UHRF2: variants seen among roughly 807,000 people sequenced by gnomAD.
UHRF2 encodes the protein E3 ubiquitin-protein ligase UHRF2.
UHRF2 carries 23 observed loss-of-function variants against 96.8 expected under a neutral mutation model. The observed-to-expected ratio is 0.24, with a 90% confidence interval of 0.17 to 0.34. UHRF2 has a LOEUF of 0.34. Among genes scored for constraint, UHRF2 ranks in the 10% least tolerant of loss-of-function variants. The pLI, the probability that UHRF2 is intolerant of heterozygous loss-of-function variation, is 1.00. For synonymous variants in UHRF2, 385 were observed against 332.6 expected (o/e 1.16, Z -1.72); for missense variants, 685 against 981.5 (o/e 0.70, Z 4.04).
chr9:6,445,060 G>A (rs565055625), intron 3 of UHRF2, among the ~76,000 whole-genome samples: 1 of 150,292 alleles, frequency 6.7e-6, no homozygotes, highest in Non-Finnish European at 1.5e-5. Flanking sequence ...GGAGACCAAG[G>A]TGGGAGGATC....
intron 3 of UHRF2, among the ~76,000 whole-genome samples, chr9:6,436,160 A>G (rs1394588752): frequency 2.0e-5 from 3 of 152,230 alleles, no homozygotes; most frequent in African/African-American, 7.2e-5. Flanking sequence ...TAGAACGCTT[A>G]TTATTTTTCA....
In UHRF2 at chr9:6,460,755, G is replaced by A. The variant is rs533525054; in HGVS notation, c.827G>A (p.Arg276Lys). Residue 276 changes from arginine (R) to lysine (K), a missense_variant, in exon 4 of 16, where the codon AGG (arginine) becomes AAG (lysine). By Grantham distance (26) the Arg-to-Lys change is conservative. Coordinates refer to ENST00000276893, the MANE Select transcript of UHRF2 (RefSeq NM_152896.3). ...AEITTLKTIS[R>K]TKKELRVKIF... ...ATTACCACATTGAAGACAATCTCAAGGACCAAAAAAGAACTTCGTGTGAAA... is the reference window on the plus strand; with the variant it reads ...ATTACCACATTGAAGACAATCTCAAAGACCAAAAAAGAACTTCGTGTGAAA... 1.9e-6 allele frequency: 3 copies of A among 1,613,064 alleles called. No individual in the cohort carries two copies. The highest frequency in any genetic ancestry group is 1.7e-5 in the Admixed American group (1 of 59,852).
At chr9:6,479,916 T>C (rs1435779692) in intron 6 of UHRF2, among the ~76,000 whole-genome samples, 1 of 152,164 alleles carries the variant, frequency 6.6e-6, no homozygotes, top group Non-Finnish European at 1.5e-5. Flanking sequence ...AACTAGACTC[T>C]TTGCTTCCAT....
chr9:6,446,420 G>A (rs1008734332), intron 3 of UHRF2, among the ~76,000 whole-genome samples: 4 of 151,330 alleles, frequency 2.6e-5, no homozygotes, highest in Non-Finnish European at 5.9e-5. Context: ...TGGGTTTACA[G>A]GCGTGAGCCA....
chr9:6,425,929 A>G (rs1341572445), intron 2 of UHRF2, among the ~76,000 whole-genome samples: 1 of 152,200 alleles, frequency 6.6e-6, no homozygotes, highest in Non-Finnish European at 1.5e-5. Context: ...CTATCTGTAT[A>G]TTAAGTTTAC....
At chr9:6,432,018 T>A (rs1820585608) in intron 2 of UHRF2, among the ~76,000 whole-genome samples, 1 of 152,210 alleles carries the variant, frequency 6.6e-6, no homozygotes, top group Non-Finnish European at 1.5e-5. Flanking sequence ...ATTATTTTCA[T>A]TTTTACTGTG....
At chr9:6,420,834 C>A in intron 1 of UHRF2, 78 bp from the exon 2 acceptor site, 1 of 1,186,850 alleles carries the variant, frequency 8.4e-7, no homozygotes, top group East Asian at 2.4e-5. Flanking sequence ...TTAAGTTTGG[C>A]TAGGACATTT....
At chr9:6,468,594 A>G (rs1229585003) in intron 4 of UHRF2, 1 of 456,054 alleles carries the variant, frequency 2.2e-6, no homozygotes, top group Non-Finnish European at 4.4e-6. Flanking sequence ...GGATGGAAAA[A>G]GTCAGCAGAG....
At chr9:6,416,385 G>A (rs909427146) in intron 1 of UHRF2, among the ~76,000 whole-genome samples, 4 of 151,414 alleles carry the variant, frequency 2.6e-5, no homozygotes, top group Admixed American at 1.3e-4. Flanking sequence ...CACATTTGAG[G>A]GTCAAAATGG....
In UHRF2 at chr9:6,413,289, T is replaced by A. The variant is rs1054696624; in HGVS notation, c.-202T>A. On this transcript the variant is annotated 5_prime_UTR_variant, in exon 1 of 16. Transcript: ENST00000276893. ...GCGCCTCAGAGTGGTTCCGGTCGTC[T>A]CTCCTCAAGTCGGCTAGTCGGGCGC... The A allele has an allele frequency of 9.8e-5, 26 of 265,068 alleles. No homozygotes were observed. Among genetic ancestry groups the A allele is most frequent in the Non-Finnish European group, 1.3e-4 (20 of 152,338 alleles). The allele number at this position is 265,068 out of a possible 1,614,324, so 16.4% of individuals were successfully genotyped here.
rs1487818775 is a variant in UHRF2, at chr9:6,506,646, T to C, written c.*467T>C. 1 of 152,962 alleles carries C rather than the reference T, an allele frequency of 6.5e-6. No individual in the cohort carries two copies. Among genetic ancestry groups the C allele is most frequent in the Non-Finnish European group, 1.5e-5 (1 of 68,258 alleles). 9.5% of individuals were successfully genotyped at this position (152,962 alleles called of 1,614,324 possible). A position where few individuals can be genotyped will look rare whatever the true frequency, so the allele number is the denominator to read the frequency against. On this transcript the variant is annotated 3_prime_UTR_variant, in exon 16 of 16. Coordinates refer to ENST00000276893, the MANE Select transcript of UHRF2 (RefSeq NM_152896.3). Reference sequence around the variant, plus strand: ...CAGCTTCTAAAGTGTGCATATACTTTTTTAACGTCTCTTCTTCCATTACAA... The same window carrying C: ...CAGCTTCTAAAGTGTGCATATACTTCTTTAACGTCTCTTCTTCCATTACAA...
chr9:6,488,364 A>T (rs906907799), intron 9 of UHRF2, among the ~76,000 whole-genome samples: 3 of 149,154 alleles, frequency 2.0e-5, no homozygotes, highest in East Asian at 2.0e-4. Flanking sequence ...GACATCTTGC[A>T]AAACTATATA....
chr9:6,504,805 C>A, intron 15 of UHRF2, 114 bp downstream of exon 15: 1 of 703,622 alleles, frequency 1.4e-6, no homozygotes, highest in Non-Finnish European at 2.2e-6. Flanking sequence ...GTTGCGGAAC[C>A]TTCTAGTTAA....
In UHRF2 at chr9:6,425,988, A is replaced by G. The variant is rs1820237601; in HGVS notation, c.384+4846A>G. On this transcript the variant is annotated intron_variant, in intron 2 of 15. Coordinates refer to ENST00000276893, the MANE Select transcript of UHRF2 (RefSeq NM_152896.3). ...AGAGTTTAGAAGCTGCTGCTTTTGAATTGATTGTTTGGGCATTGACAGGAT... is the reference window on the plus strand; with the variant it reads ...AGAGTTTAGAAGCTGCTGCTTTTGAGTTGATTGTTTGGGCATTGACAGGAT... Among the ~76,000 whole-genome samples the G allele has an allele frequency of 1.3e-5, 2 of 152,198 alleles. 1 individual carries two copies. The highest frequency in any genetic ancestry group is 1.3e-4 in the Admixed American group (2 of 15,268).
chr9:6,473,284 ATCCATGAG>A (rs1199420252), intron 4 of UHRF2, among the ~76,000 whole-genome samples: 1 of 152,206 alleles, frequency 6.6e-6, no homozygotes, highest in Non-Finnish European at 1.5e-5. Context: ...ATATATTTAA[ATCCATGAG>A]TCCATAGTAA....
chr9:6,473,497 A>T (rs928075279), intron 4 of UHRF2, among the ~76,000 whole-genome samples: 4 of 152,222 alleles, frequency 2.6e-5, no homozygotes, highest in African/African-American at 9.6e-5. Context: ...CTAATCCCCA[A>T]AGAATTAATG....
intron 2 of UHRF2, among the ~76,000 whole-genome samples, chr9:6,424,210 T>A (rs1820106138): frequency 6.6e-6 from 1 of 152,214 alleles, no homozygotes; most frequent in Non-Finnish European, 1.5e-5. Flanking sequence ...TAGAAAGTTA[T>A]GAGCAGTCAC....
At chr9:6,427,328 A>C (rs923731028) in intron 2 of UHRF2, among the ~76,000 whole-genome samples, 2 of 152,224 alleles carry the variant, frequency 1.3e-5, no homozygotes, top group African/African-American at 2.4e-5. Flanking sequence ...GCAGGTACAA[A>C]AGATGAATTT....
chr9:6,484,942 C>T lies in UHRF2; in HGVS notation c.1393-1879C>T, dbSNP rs145384660. Among the ~76,000 whole-genome samples, 235 of 151,892 alleles carry T rather than the reference C, an allele frequency of 1.5e-3. 1 individual carries two copies. Among genetic ancestry groups the T allele is most frequent in the African/African-American group, 4.9e-3 (202 of 41,440 alleles). On this transcript the variant is annotated intron_variant, in intron 8 of 15. Transcript: ENST00000276893. The stretch of plus-strand genomic sequence containing the variant: ...CCAAGTAGCTGGTATTACAGGTATA[C>T]GTCACCATGCCCAGCTAATTTTGTA...
Sources: allele counts gnomAD v4.1 joint callset (sites outside exome capture counted in the v4.1 genomes callset), GRCh38; gene constraint gnomAD v4.1.1; transcripts MANE v1.5; gene names NCBI Gene and HGNC (gene_info 2026-07-23, HGNC 2026-07-21).